NUP214: variants seen among roughly 807,000 people sequenced by gnomAD.
NUP214 encodes the protein nuclear pore complex protein Nup214.
NUP214 carries 79 observed loss-of-function variants against 196.2 expected under a neutral mutation model. That is an observed-to-expected ratio of 0.40 (90% CI 0.34 to 0.49). The LOEUF (loss-of-function observed/expected upper bound fraction) is 0.49, where lower values mean the gene tolerates loss of function less well. Among genes scored for constraint, NUP214 ranks in the 20% least tolerant of loss-of-function variants. The pLI, the probability that NUP214 is intolerant of heterozygous loss-of-function variation, is 0.58. For missense variants in NUP214, 2,468 were observed against 2,539.0 expected, an observed-to-expected ratio of 0.97 and a Z score of 0.60; for synonymous variants, 1,020 against 990.5, an observed-to-expected ratio of 1.03 and a Z score of -0.56.
Position 131,132,490 on chromosome 9 carries a change from G to A in NUP214, c.664-106G>A, listed in dbSNP as rs935461388. ...TGTTTCTTCAGTCTCTCCCGGCCAA[G>A]GAGATGGAACAGGTAGCATCTAAGG... On this transcript the variant is annotated intron_variant, in intron 5 of 35. Transcript: ENST00000359428. The A allele has an allele frequency of 7.4e-6, 7 of 944,064 alleles. 1 individual carries two copies. Among genetic ancestry groups the A allele is most frequent in the African/African-American group, 3.3e-5 (2 of 61,310 alleles). 58.5% of individuals were successfully genotyped at this position (944,064 alleles called of 1,614,324 possible).
intron 23 of NUP214, among the ~76,000 whole-genome samples, chr9:131,178,078 C>G (rs539850782): frequency 1.3e-5 from 2 of 152,280 alleles, no homozygotes; most frequent in Non-Finnish European, 2.9e-5. Context: ...TTCCCCTACT[C>G]TAGTACATTC....
chr9:131,128,481 GAGGTAAGCTACTGTTAT>G lies in NUP214; in HGVS notation c.393_393+16del. 2 of 1,611,774 alleles carry G rather than the reference GAGGTAAGCTACTGTTAT, an allele frequency of 1.2e-6. No individual in the cohort carries two copies. Among genetic ancestry groups the G allele is most frequent in the Non-Finnish European group, 1.7e-6 (2 of 1,178,626 alleles). The stretch of plus-strand genomic sequence containing the variant: ...TTTTGATGTTCGCACATTCTCAAAT[GAGGTAAGCTACTGTTAT>G]ACTGTGATGTCAACATGAGAACCCT... On this transcript the variant is annotated splice_donor_variant and splice_donor_5th_base_variant and coding_sequence_variant and intron_variant, in exon 3 of 36. Transcript: ENST00000359428. LOFTEE classifies it high-confidence loss of function.
intron 27 of NUP214, among the ~76,000 whole-genome samples, chr9:131,193,417 C>T (rs1208030747): frequency 6.6e-6 from 1 of 151,816 alleles, no homozygotes; most frequent in African/African-American, 2.4e-5. Context: ...TTTTGAGTGT[C>T]CTTCAGCCTA....
At chr9:131,162,860 G>A in intron 18 of NUP214, 131 bp from the exon 19 acceptor site, 1 of 811,346 alleles carries the variant, frequency 1.2e-6, no homozygotes, top group African/African-American at 1.8e-5. Flanking sequence ...TTTCTTAATG[G>A]TTCTTGTCCA....
At position 131,202,914 on chromosome 9, in the gene NUP214, T is replaced by TTTTA. The variant is rs537913350; in HGVS notation, c.5592+1215_5592+1218dup. ...TATGTGCCAGGCATAATTTTAAGTC[T>TTTTA]TTTATTTATTTATTTATTTATATTT... is the stretch of plus-strand genomic sequence containing the variant. On this transcript the variant is annotated intron_variant, in intron 30 of 35. Coordinates refer to ENST00000359428, the MANE Select transcript of NUP214 (RefSeq NM_005085.4). Among the ~76,000 whole-genome samples the TTTTA allele has an allele frequency of 8.2e-3, 1,244 of 151,208 alleles. 9 individuals carry two copies. Among genetic ancestry groups the TTTTA allele is most frequent in the Middle Eastern group, 0.014 (4 of 294 alleles).
intron 32 of NUP214, 147 bp from the exon 33 acceptor site, chr9:131,228,013 C>T (rs1588181693): frequency 8.5e-6 from 6 of 705,258 alleles, no homozygotes; most frequent in Non-Finnish European, 1.3e-5. Flanking sequence ...TTGCCCTTTA[C>T]TCTAGTTCTT....
chr9:131,195,276 A>G lies in NUP214; in HGVS notation c.3703A>G (p.Asn1235Asp), dbSNP rs1462957634. The G allele has an allele frequency of 3.1e-6, 5 of 1,613,428 alleles. No individual in the cohort carries two copies. The highest frequency in any genetic ancestry group is 2.2e-5 in the South Asian group (2 of 91,018). ...FGIITPTPSSNFTAAQGATPS... is the reference protein window; with the variant it reads ...FGIITPTPSSDFTAAQGATPS... Reference sequence around the variant, plus strand: ...GATAATCACACCAACACCGTCTTCTAATTTCACTGCTGCACAAGGTACAGA... The same window carrying G: ...GATAATCACACCAACACCGTCTTCTGATTTCACTGCTGCACAAGGTACAGA... Residue 1235 changes from asparagine (N) to aspartate (D), a missense_variant, in exon 28 of 36, where the codon AAT becomes GAT. Coordinates refer to ENST00000359428, the MANE Select transcript of NUP214 (RefSeq NM_005085.4).
intron 31 of NUP214, among the ~76,000 whole-genome samples, chr9:131,217,661 G>C (rs938929030): frequency 6.6e-6 from 1 of 152,228 alleles, no homozygotes; most frequent in African/African-American, 2.4e-5. Flanking sequence ...ATCTGGCACA[G>C]AATAGACACT....
intron 30 of NUP214, among the ~76,000 whole-genome samples, chr9:131,211,403 G>T (rs1834237261): frequency 6.6e-6 from 1 of 152,074 alleles, no homozygotes; most frequent in Non-Finnish European, 1.5e-5. Context: ...TTATGTATAG[G>T]TTCCTCTTTC....
At chr9:131,229,644 G>T in intron 33 of NUP214, 1 of 495,586 alleles carries the variant, frequency 2.0e-6, no homozygotes, top group Non-Finnish European at 4.0e-6. Flanking sequence ...CTCCATAAGA[G>T]CCCATTACCT....
chr9:131,183,380 C>T (rs769529542), intron 24 of NUP214, among the ~76,000 whole-genome samples: 5 of 152,122 alleles, frequency 3.3e-5, no homozygotes, highest in Non-Finnish European at 7.3e-5. Context: ...CCACCGCGCC[C>T]GGCTGACTAT....
At chr9:131,223,727 A>ATTTATTTATTTATTTATTTTATTTTTTTT in intron 32 of NUP214, among the ~76,000 whole-genome samples, 1 of 15,640 alleles carries the variant, frequency 6.4e-5, no homozygotes, top group African/African-American at 1.5e-4. Flanking sequence ...TTATTTATTT[A>ATTTATTTATTTATTTATTTTATTTTTTTT]TTTTTTTTTT....
intron 30 of NUP214, among the ~76,000 whole-genome samples, chr9:131,206,598 C>T (rs994944521): frequency 1.2e-4 from 18 of 152,048 alleles, no homozygotes; most frequent in Non-Finnish European, 1.9e-4. Flanking sequence ...TGCACCACCA[C>T]GCCCAACTAA....
chr9:131,205,099 C>T (rs1333088506), intron 30 of NUP214, among the ~76,000 whole-genome samples: 3 of 151,910 alleles, frequency 2.0e-5, no homozygotes, highest in Non-Finnish European at 2.9e-5. Flanking sequence ...CCAGTCTGGG[C>T]GACAGAGCAA....
At chr9:131,210,712 G>A (rs537138714) in intron 30 of NUP214, among the ~76,000 whole-genome samples, 1 of 152,014 alleles carries the variant, frequency 6.6e-6, no homozygotes, top group African/African-American at 2.4e-5. Flanking sequence ...AGGCTTAACA[G>A]CAGAGTGAAT....
At chr9:131,219,524 T>G (rs979239341) in intron 31 of NUP214, among the ~76,000 whole-genome samples, 1 of 152,196 alleles carries the variant, frequency 6.6e-6, no homozygotes. Flanking sequence ...GTTGGCATGT[T>G]CTGTATCCAG....
chr9:131,178,703 A>AT (rs11454350), intron 24 of NUP214, among the ~76,000 whole-genome samples: 89,755 of 141,220 alleles, frequency 0.64, 28,266 homozygotes, highest in Admixed American at 0.73. Context: ...GTGCAGGTTG[A>AT]TTTTTTTTTT....
chr9:131,137,438 C>T (rs1831763936), intron 9 of NUP214, among the ~76,000 whole-genome samples: 1 of 152,122 alleles, frequency 6.6e-6, no homozygotes, highest in South Asian at 2.1e-4. Context: ...CTAGCTCACA[C>T]ATGGCCCCCA....
At chr9:131,139,774 TG>T (rs1831853189) in intron 10 of NUP214, among the ~76,000 whole-genome samples, 1 of 152,190 alleles carries the variant, frequency 6.6e-6, no homozygotes, top group Non-Finnish European at 1.5e-5. Context: ...TACCCGAATC[TG>T]GTACTGCACA....
Sources: gnomAD v4.1 joint callset for allele counts (sites outside exome capture counted in the v4.1 genomes callset) on GRCh38, gnomAD v4.1.1 for gene constraint, MANE v1.5 for transcripts, NCBI Gene and HGNC (gene_info 2026-07-23, HGNC 2026-07-21) for gene names.